The following EML4 variants were observed in gnomAD, a reference collection of about 807,000 sequenced individuals.
The protein encoded by EML4 is EMAP like 4, also known as echinoderm microtubule-associated protein-like 4.
EML4 carries 72 observed loss-of-function variants against 129.0 expected under a neutral mutation model. The observed-to-expected ratio is 0.56, with a 90% confidence interval of 0.46 to 0.68. EML4 has a LOEUF of 0.68. Among genes scored for constraint, EML4 ranks in the 30% least tolerant of loss-of-function variants. The pLI, the probability that EML4 is intolerant of heterozygous loss-of-function variation, is 0.00. For synonymous variants in EML4, 532 were observed against 405.0 expected, an observed-to-expected ratio of 1.31 and a Z score of -3.77; for missense variants, 1,363 against 1,190.6, an observed-to-expected ratio of 1.14 and a Z score of -2.13.
chr2:42,211,143 A>G (rs1453269696), intron 1 of EML4, among the ~76,000 whole-genome samples: 1 of 152,228 alleles, frequency 6.6e-6, no homozygotes, highest in Non-Finnish European at 1.5e-5. Flanking sequence ...TACCTACCAC[A>G]GTAGATAGTG....
At chr2:42,239,321 T>A (rs892030015) in intron 1 of EML4, among the ~76,000 whole-genome samples, 1 of 152,226 alleles carries the variant, frequency 6.6e-6, no homozygotes, top group Non-Finnish European at 1.5e-5. Context: ...TGGATATTTA[T>A]AATGAAACAC....
chr2:42,191,802 A>G (rs1457186980), intron 1 of EML4, among the ~76,000 whole-genome samples: 2 of 152,076 alleles, frequency 1.3e-5, no homozygotes, highest in Non-Finnish European at 1.5e-5. Flanking sequence ...GCTCACGCCT[A>G]TAATCCCAAC....
At chr2:42,323,946 T>G (rs1475151480) in intron 19 of EML4, among the ~76,000 whole-genome samples, 1 of 138,208 alleles carries the variant, frequency 7.2e-6, no homozygotes, top group Non-Finnish European at 1.6e-5. Flanking sequence ...TCTGTCTCAA[T>G]TAAAAAAAAA....
At chr2:42,267,173 TATAGTA>T (rs1572657772) in intron 6 of EML4, among the ~76,000 whole-genome samples, 1 of 152,214 alleles carries the variant, frequency 6.6e-6, no homozygotes, top group Non-Finnish European at 1.5e-5. Context: ...CTGTAAAAAT[TATAGTA>T]ATAAAGTGTA....
At chr2:42,274,818 A>G (rs1411127235) in intron 6 of EML4, among the ~76,000 whole-genome samples, 1 of 152,186 alleles carries the variant, frequency 6.6e-6, no homozygotes, top group Admixed American at 6.6e-5. Context: ...AAACCCAAGG[A>G]AACTGAAGGG....
intron 22 of EML4, 135 bp downstream of exon 22, chr2:42,329,151 G>A (rs1051343864): frequency 9.0e-6 from 7 of 775,916 alleles, no homozygotes; most frequent in South Asian, 4.6e-5. Flanking sequence ...AAGGGCCATC[G>A]GTGAGCATCC....
intron 1 of EML4, among the ~76,000 whole-genome samples, chr2:42,172,185 T>A (rs1227484661): frequency 6.6e-6 from 1 of 152,054 alleles, no homozygotes; most frequent in African/African-American, 2.4e-5. Flanking sequence ...TCTTGAAAAA[T>A]GGTGAAAAAA....
At chr2:42,298,520 G>T (rs892030844) in intron 13 of EML4, among the ~76,000 whole-genome samples, 1 of 152,078 alleles carries the variant, frequency 6.6e-6, no homozygotes, top group African/African-American at 2.4e-5. Context: ...TTGTTTTACA[G>T]GTAAATACTA....
intron 1 of EML4, among the ~76,000 whole-genome samples, chr2:42,184,000 C>G (rs1671100858): frequency 6.6e-6 from 1 of 152,128 alleles, no homozygotes; most frequent in Non-Finnish European, 1.5e-5. Context: ...GACTTTAACA[C>G]CTACTTTGGT....
intron 2 of EML4, among the ~76,000 whole-genome samples, chr2:42,255,090 C>G (rs1375019033): frequency 1.4e-5 from 2 of 146,820 alleles, no homozygotes; most frequent in South Asian, 4.3e-4. Flanking sequence ...TTTTTTTTTT[C>G]TTTTCTTTTC....
At chr2:42,265,585 A>G (rs1314989853) in intron 6 of EML4, among the ~76,000 whole-genome samples, 3 of 152,178 alleles carry the variant, frequency 2.0e-5, no homozygotes, top group Non-Finnish European at 4.4e-5. Flanking sequence ...AAATCTGAAG[A>G]TTCAAGGTGA....
At chr2:42,233,679 A>G (rs1674490757) in intron 1 of EML4, among the ~76,000 whole-genome samples, 1 of 152,186 alleles carries the variant, frequency 6.6e-6, no homozygotes, top group African/African-American at 2.4e-5. Context: ...GTTAAGAAAA[A>G]TGATTCTCAT....
chr2:42,238,131 ATT>A (rs887916376), intron 1 of EML4, among the ~76,000 whole-genome samples: 8 of 152,192 alleles, frequency 5.3e-5, no homozygotes. Flanking sequence ...ACATAAATGA[ATT>A]TTGTAGTTAG....
intron 1 of EML4, among the ~76,000 whole-genome samples, chr2:42,211,346 C>T (rs776380131): frequency 5.3e-5 from 8 of 152,110 alleles, no homozygotes; most frequent in Non-Finnish European, 1.2e-4. Context: ...GGAAGAACTT[C>T]TTAGAGGTTA....
chr2:42,284,891 A>G (rs1383206527), intron 9 of EML4, among the ~76,000 whole-genome samples, 188 bp downstream of exon 9: 2 of 152,174 alleles, frequency 1.3e-5, no homozygotes, highest in Non-Finnish European at 2.9e-5. Flanking sequence ...ATACTAATAA[A>G]TTTTGTTTTT....
intron 11 of EML4, chr2:42,289,670 C>T (rs1667513185): frequency 6.6e-6 from 1 of 152,112 alleles, no homozygotes; most frequent in African/African-American, 2.4e-5. Context: ...GCTCTTTTTA[C>T]CTCACTTCTC....
chr2:42,242,051 C>G (rs1253464412), intron 1 of EML4, among the ~76,000 whole-genome samples: 1 of 152,138 alleles, frequency 6.6e-6, no homozygotes, highest in Non-Finnish European at 1.5e-5. Flanking sequence ...AAGTTTCACA[C>G]AACTTAAACA....
chr2:42,195,261 G>A (rs1031117238), intron 1 of EML4, among the ~76,000 whole-genome samples: 1 of 152,108 alleles, frequency 6.6e-6, no homozygotes, highest in Non-Finnish European at 1.5e-5. Flanking sequence ...AAACATTAGA[G>A]CATATGCCTT....
At chr2:42,208,288 C>T (rs896859345) in intron 1 of EML4, among the ~76,000 whole-genome samples, 19 of 152,052 alleles carry the variant, frequency 1.2e-4, no homozygotes, top group South Asian at 1.2e-3. Context: ...TTTTGCCTTA[C>T]ATCATTTAGA....
Sources: allele counts gnomAD v4.1 joint callset (sites outside exome capture counted in the v4.1 genomes callset), GRCh38; gene constraint gnomAD v4.1.1; transcripts MANE v1.5; gene names NCBI Gene and HGNC (gene_info 2026-07-23, HGNC 2026-07-21).